The following BMAL1 variants were observed in gnomAD, a reference collection of about 807,000 sequenced individuals.
BMAL1 encodes basic helix-loop-helix ARNT-like protein 1.
At chr11:13,372,166 A>T in the BMAL1 span, 32 of 1,613,626 alleles carry the variant, frequency 2.0e-5, no homozygotes, top group Non-Finnish European at 2.5e-5. Context: ...TTTCTAGCAG[A>T]TCGAAAAAGC....
chr11:13,356,260 T>G, the BMAL1 span: 1 of 457,466 alleles, frequency 2.2e-6, no homozygotes, highest in Non-Finnish European at 4.4e-6. Flanking sequence ...TTGTTGGTAC[T>G]TTAATTCCAC....
At chr11:13,362,646 G>A in the BMAL1 span, among the ~76,000 whole-genome samples, 1 of 152,136 alleles carries the variant, frequency 6.6e-6, no homozygotes, top group Non-Finnish European at 1.5e-5. Context: ...TCAGGACACA[G>A]TTATTCAAAC....
chr11:13,287,951 C>T, the BMAL1 span, among the ~76,000 whole-genome samples: 2 of 152,210 alleles, frequency 1.3e-5, no homozygotes, highest in African/African-American at 2.4e-5. Flanking sequence ...AAGGAGCCTG[C>T]AGTTTGATTG....
At chr11:13,332,996 T>C in the BMAL1 span, among the ~76,000 whole-genome samples, 1 of 149,650 alleles carries the variant, frequency 6.7e-6, no homozygotes, top group African/African-American at 2.5e-5. Context: ...AGAGAGAGTC[T>C]CAGTCTGTCG....
chr11:13,355,170 G>A, the BMAL1 span: 2 of 1,497,404 alleles, frequency 1.3e-6, no homozygotes, highest in South Asian at 2.4e-5. Flanking sequence ...TTTGTTTAAT[G>A]AGGGAAAATC....
the BMAL1 span, among the ~76,000 whole-genome samples, chr11:13,326,153 G>A: frequency 5.3e-5 from 8 of 150,620 alleles, no homozygotes; most frequent in Admixed American, 2.0e-4. Context: ...CAGTTGAGCC[G>A]ATATCATGCC....
the BMAL1 span, among the ~76,000 whole-genome samples, chr11:13,328,438 C>T: frequency 6.6e-6 from 1 of 152,184 alleles, no homozygotes; most frequent in East Asian, 1.9e-4. Context: ...TTATGAGCCT[C>T]TCTTTGGAAC....
At chr11:13,315,493 T>G in the BMAL1 span, among the ~76,000 whole-genome samples, 1 of 152,208 alleles carries the variant, frequency 6.6e-6, no homozygotes, top group Non-Finnish European at 1.5e-5. Flanking sequence ...GAGGTAAGTG[T>G]CATCATTGTC....
the BMAL1 span, among the ~76,000 whole-genome samples, chr11:13,367,978 C>G: frequency 6.6e-6 from 1 of 152,156 alleles, no homozygotes; most frequent in Non-Finnish European, 1.5e-5. Context: ...CACGTTAATC[C>G]CTGGAAAAAA....
At chr11:13,386,390 C>T in the BMAL1 span, among the ~76,000 whole-genome samples, 1 of 152,164 alleles carries the variant, frequency 6.6e-6, no homozygotes, top group East Asian at 1.9e-4. Context: ...CGTAACCCCA[C>T]TTATTTCTTA....
chr11:13,343,540 C>A, the BMAL1 span, among the ~76,000 whole-genome samples: 1 of 152,326 alleles, frequency 6.6e-6, no homozygotes, highest in Admixed American at 6.5e-5. Context: ...GCCATCTCAT[C>A]TGTGGCCTGT....
At chr11:13,385,823 A>G in the BMAL1 span, 1 of 1,512,264 alleles carries the variant, frequency 6.6e-7, no homozygotes, top group Non-Finnish European at 9.2e-7. Flanking sequence ...TTCCATTGCA[A>G]TGAGCTTGCA....
chr11:13,277,418 A>C, the BMAL1 span, among the ~76,000 whole-genome samples: 1 of 152,056 alleles, frequency 6.6e-6, no homozygotes, highest in Non-Finnish European at 1.5e-5. Context: ...GGAAAGGGAG[A>C]GGGCAGGGGC....
the BMAL1 span, among the ~76,000 whole-genome samples, chr11:13,334,821 G>C: frequency 5.9e-5 from 9 of 152,312 alleles, no homozygotes; most frequent in African/African-American, 1.9e-4. Context: ...CAGGAGTCTA[G>C]AGAAAGATGG....
the BMAL1 span, among the ~76,000 whole-genome samples, chr11:13,358,786 A>C: frequency 2.0e-4 from 30 of 152,306 alleles, no homozygotes; most frequent in South Asian, 4.1e-4. Context: ...TTTGACATGC[A>C]ATTTTGCAGT....
the BMAL1 span, chr11:13,381,130 G>T: frequency 3.1e-6 from 5 of 1,606,800 alleles, no homozygotes; most frequent in Non-Finnish European, 3.4e-6. Flanking sequence ...ACTGAAAAAA[G>T]AAAAGGCAGT....
At chr11:13,292,919 A>G in the BMAL1 span, among the ~76,000 whole-genome samples, 1 of 152,174 alleles carries the variant, frequency 6.6e-6, no homozygotes, top group Non-Finnish European at 1.5e-5. Context: ...ATTTGCAACT[A>G]CATATAGTTG....
chr11:13,342,418 T>C, the BMAL1 span, among the ~76,000 whole-genome samples: 1 of 152,070 alleles, frequency 6.6e-6, no homozygotes, highest in African/African-American at 2.4e-5. Context: ...GGACTTTTAA[T>C]CCTGAATGGC....
At chr11:13,376,940 C>T in the BMAL1 span, among the ~76,000 whole-genome samples, 1 of 152,300 alleles carries the variant, frequency 6.6e-6, no homozygotes, top group South Asian at 2.1e-4. Context: ...CTCACTGCTG[C>T]ACTTCCCAAA....
Sources: allele counts gnomAD v4.1 joint callset (sites outside exome capture counted in the v4.1 genomes callset), GRCh38; gene constraint gnomAD v4.1.1; transcripts MANE v1.5; gene names NCBI Gene and HGNC (gene_info 2026-07-23, HGNC 2026-07-21).